The following UGCG variants were observed in gnomAD, a reference collection of about 807,000 sequenced individuals.
UGCG encodes UDP-glucose ceramide glucosyltransferase.
A neutral mutation model predicts 49.5 loss-of-function variants in UGCG; 10 were observed. The observed-to-expected ratio is 0.20, with a 90% CI of 0.12 to 0.34. The LOEUF is 0.34. UGCG is among the 10% of genes least tolerant of loss of function. UGCG has a pLI of 1.00. For missense variants in UGCG, 312 were observed against 483.7 expected (o/e 0.65, Z 3.33); for synonymous variants, 182 against 158.2 (o/e 1.15, Z -1.13).
intron 6 of UGCG, 53 bp from the exon 7 acceptor site, chr9:111,931,218 C>T (rs41280159): frequency 0.026 from 40,144 of 1,540,694 alleles, 623 homozygotes; most frequent in Non-Finnish European, 0.03. Flanking sequence ...TAACCAGTTA[C>T]GCTTGCATGT....
chr9:111,920,077 T>C (rs888796679), intron 2 of UGCG, among the ~76,000 whole-genome samples: 12 of 152,124 alleles, frequency 7.9e-5, no homozygotes, highest in Non-Finnish European at 1.5e-4. Flanking sequence ...TAGGGCCCTT[T>C]CCATTTTCAG....
In UGCG at chr9:111,925,359, C is replaced by G. The variant is rs759833984; in HGVS notation, c.445+481C>G. On this transcript the variant is annotated intron_variant, in intron 4 of 8. Coordinates refer to ENST00000374279, the MANE Select transcript of UGCG (RefSeq NM_003358.3). The stretch of plus-strand genomic sequence containing the variant: ...TTTCATATACTGAAATTATAACTTG[C>G]ATTTTCGAACACTCATAATAGTTTC... 3.0e-4 allele frequency among the ~76,000 whole-genome samples: 45 copies of G among 152,188 alleles called. 1 individual carries two copies. The highest frequency in any genetic ancestry group is 1.3e-4 in the Admixed American group (2 of 15,278).
chr9:111,897,335 G>A, intron 1 of UGCG, 22 bp downstream of exon 1: 1 of 1,539,602 alleles, frequency 6.5e-7, no homozygotes, highest in Non-Finnish European at 8.8e-7. Flanking sequence ...ACCGCAGGAG[G>A]GGCTCGGGGC....
chr9:111,920,061 T>C (rs1838192921), intron 2 of UGCG, among the ~76,000 whole-genome samples: 1 of 152,096 alleles, frequency 6.6e-6, no homozygotes, highest in Non-Finnish European at 1.5e-5. Context: ...AGGAGGGTGG[T>C]AGAAGTAGGG....
intron 2 of UGCG, among the ~76,000 whole-genome samples, chr9:111,919,520 A>C (rs997169457): frequency 2.0e-5 from 3 of 151,722 alleles, no homozygotes; most frequent in Non-Finnish European, 4.4e-5. Context: ...GGCTGGGCAC[A>C]GTGGCTCACA....
chr9:111,929,734 T>C (rs1838387220), intron 6 of UGCG, 56 bp downstream of exon 6: 1 of 1,586,384 alleles, frequency 6.3e-7, no homozygotes, highest in South Asian at 1.2e-5. Context: ...TGTTGGTTTA[T>C]TCTTTTTGTT....
Position 111,922,989 on chromosome 9 carries a change from T to C in UGCG, c.343+38T>C, listed in dbSNP as rs1302084527. ...TTCTGTAGTAACCATTTTCCATTGA[T>C]AGTATTAAGTATCAGTAATCTCTGC... On this transcript the variant is annotated intron_variant, in intron 3 of 8. Coordinates refer to ENST00000374279, the MANE Select transcript of UGCG (RefSeq NM_003358.3). 5 of 1,318,852 alleles carry C rather than the reference T, an allele frequency of 3.8e-6. No individual in the cohort carries two copies. The African/African-American group carries it at 4.3e-5, about 11-fold the overall frequency. The allele number at this position is 1,318,852 out of a possible 1,614,324, so 81.7% of individuals were successfully genotyped here.
rs1213986033 is a variant in UGCG, at chr9:111,932,819, A to G, written c.1015-8A>G. The G allele has an allele frequency of 1.9e-6, 3 of 1,540,330 alleles. No individual in the cohort carries two copies. The East Asian group carries it at 6.9e-5, about 35-fold the overall frequency. ...GTGAAATTAAAAAATTTTTTTTTCC[A>G]TTCCTAGGGTGGCACACTGTGTTTT... On this transcript the variant is annotated splice_polypyrimidine_tract_variant and splice_region_variant and intron_variant, in intron 8 of 8. Coordinates refer to ENST00000374279, the MANE Select transcript of UGCG (RefSeq NM_003358.3).
chr9:111,922,798 A>T (rs1378869886), intron 2 of UGCG, 51 bp from the exon 3 acceptor site: 1 of 1,357,016 alleles, frequency 7.4e-7, no homozygotes, highest in Admixed American at 2.0e-5. Flanking sequence ...CATGCTAGTA[A>T]GTGCTTATTT....
chr9:111,926,290 A>T, intron 4 of UGCG, 94 bp from the exon 5 acceptor site: 1 of 702,450 alleles, frequency 1.4e-6, no homozygotes, highest in Non-Finnish European at 2.3e-6. Flanking sequence ...TAAGAATGTA[A>T]TAACAATTCA....
chr9:111,904,772 G>A (rs917313051), intron 1 of UGCG, among the ~76,000 whole-genome samples: 10 of 152,298 alleles, frequency 6.6e-5, no homozygotes, highest in African/African-American at 2.2e-4. Flanking sequence ...TGAGGCAGGA[G>A]AATCACTTGA....
intron 1 of UGCG, among the ~76,000 whole-genome samples, chr9:111,905,221 C>T (rs10981150): frequency 0.11 from 16,190 of 152,194 alleles, 1,107 homozygotes; most frequent in Middle Eastern, 0.18. Flanking sequence ...CCCTTATCCT[C>T]CATGAACTGC....
At chr9:111,927,702 C>T (rs11790396) in intron 5 of UGCG, among the ~76,000 whole-genome samples, 2,596 of 152,232 alleles carry the variant, frequency 0.017, 53 homozygotes, top group African/African-American at 0.043. Context: ...CCACCCTCCT[C>T]TGCCTCCCAA....
rs1235820320 is a variant in UGCG, at chr9:111,934,999, A to T, written c.*2002A>T. On this transcript the variant is annotated 3_prime_UTR_variant, in exon 9 of 9. Transcript: ENST00000374279. ...GCACTGCCGAAGCGTAATCTTGTGT[A>T]TTACTTAGCTCTCTGCTGATCTCAG... The T allele has an allele frequency of 6.6e-6, 1 of 152,204 alleles. No individual in the cohort carries two copies. The highest frequency in any genetic ancestry group is 2.4e-5 in the African/African-American group (1 of 41,446). 9.4% of individuals were successfully genotyped at this position (152,204 alleles called of 1,614,324 possible). A position where few individuals can be genotyped will look rare whatever the true frequency, so the allele number is the denominator to read the frequency against.
chr9:111,906,118 A>C (rs1204799665), intron 1 of UGCG, among the ~76,000 whole-genome samples: 1 of 152,074 alleles, frequency 6.6e-6, no homozygotes. Flanking sequence ...TGTGATCTCT[A>C]CCTGTGGGCA....
At chr9:111,929,882 G>A (rs1015555088) in intron 6 of UGCG, among the ~76,000 whole-genome samples, 1 of 151,858 alleles carries the variant, frequency 6.6e-6, no homozygotes. Flanking sequence ...GCAGTGGCGC[G>A]ATCTTGGCTC....
intron 1 of UGCG, among the ~76,000 whole-genome samples, chr9:111,914,250 T>C (rs1291114648): frequency 6.6e-6 from 1 of 152,136 alleles, no homozygotes; most frequent in Non-Finnish European, 1.5e-5. Flanking sequence ...AGTATAGCAA[T>C]AGTCAGAGAG....
intron 2 of UGCG, chr9:111,915,772 C>T (rs1838099672): frequency 2.0e-6 from 2 of 984,782 alleles, no homozygotes; most frequent in Non-Finnish European, 2.4e-6. Context: ...TTATTTTTCT[C>T]GGTAGCACCA....
At chr9:111,927,576 T>C (rs926760283) in intron 5 of UGCG, among the ~76,000 whole-genome samples, 1 of 151,960 alleles carries the variant, frequency 6.6e-6, no homozygotes, top group Non-Finnish European at 1.5e-5. Flanking sequence ...CTCAGCCTCC[T>C]GAGTAGCTGG....
Sources: allele counts gnomAD v4.1 joint callset (sites outside exome capture counted in the v4.1 genomes callset), GRCh38; gene constraint gnomAD v4.1.1; transcripts MANE v1.5; gene names NCBI Gene and HGNC (gene_info 2026-07-23, HGNC 2026-07-21).